Variants in KIF16B observed in about 807,000 individuals in gnomAD.
KIF16B encodes kinesin family member 16B, also known as kinesin-like protein KIF16B.
A neutral mutation model predicts 156.3 loss-of-function variants in KIF16B; 98 were observed. That is an observed-to-expected ratio of 0.63 (90% confidence interval 0.53 to 0.74). The LOEUF (loss-of-function observed/expected upper bound fraction) is 0.74. KIF16B is among the 30% of genes least tolerant of loss of function. The pLI is 0.00. For missense variants in KIF16B, 1,421 were observed against 1,606.5 expected (o/e 0.88, Z 1.97); for synonymous variants, 564 against 583.7 (o/e 0.97, Z 0.49).
rs539652810 is a variant in KIF16B, at chr20:16,377,473, ACTTGG to A, written c.3197+1327_3197+1331del. Among the ~76,000 whole-genome samples, 25 of 151,440 alleles carry A rather than the reference ACTTGG, an allele frequency of 1.7e-4. No individual in the cohort carries two copies. In the South Asian group the frequency reaches 5.2e-3, roughly 31 times the overall value. On this transcript the variant is annotated intron_variant, in intron 19 of 25. Transcript: ENST00000354981. Reference sequence around the variant, plus strand: ...GTAGTATGCACCTGGGGTCCCAGCCACTTGGGTGGCTGGGGCAGGAGGATTGCTTG... The same window carrying A: ...GTAGTATGCACCTGGGGTCCCAGCCAGTGGCTGGGGCAGGAGGATTGCTTG...
At chr20:16,281,302 T>C (rs930491080) in intron 25 of KIF16B, among the ~76,000 whole-genome samples, 2 of 152,144 alleles carry the variant, frequency 1.3e-5, no homozygotes, top group Admixed American at 6.5e-5. Context: ...TTAACCACGG[T>C]GGCGGCTTAA....
chr20:16,474,719 C>A (rs898954567), intron 12 of KIF16B, among the ~76,000 whole-genome samples: 9 of 152,104 alleles, frequency 5.9e-5, no homozygotes, highest in Non-Finnish European at 8.8e-5. Flanking sequence ...AGGGAGAGAC[C>A]AAGAGAATTA....
chr20:16,559,276 C>T (rs895302322), intron 1 of KIF16B, among the ~76,000 whole-genome samples: 1 of 152,044 alleles, frequency 6.6e-6, no homozygotes, highest in African/African-American at 2.4e-5. Flanking sequence ...GTGTTAACAG[C>T]CCAAATTGCC....
Position 16,373,498 on chromosome 20 carries a change from G to A in KIF16B, c.3350+759C>T, listed in dbSNP as rs189910341. Among the ~76,000 whole-genome samples, 17 of 152,272 alleles carry A rather than the reference G, an allele frequency of 1.1e-4. No homozygotes were observed. The East Asian group carries it at 3.3e-3, about 29-fold the overall frequency. On this transcript the variant is annotated intron_variant, in intron 20 of 25. Transcript: ENST00000354981. ...TCTAAGCCACAGAGCAATACACAAT[G>A]CCACCTAAGTTGAAAATCACTTAAC...
At chr20:16,274,023 A>T (rs137931628) in intron 25 of KIF16B, among the ~76,000 whole-genome samples, 361 of 152,006 alleles carry the variant, frequency 2.4e-3, no homozygotes, top group Middle Eastern at 0.02. Flanking sequence ...TCTCTTATTT[A>T]AAAAAGTCAT....
At chr20:16,465,394 A>G (rs1446980649) in intron 12 of KIF16B, among the ~76,000 whole-genome samples, 1 of 152,224 alleles carries the variant, frequency 6.6e-6, no homozygotes, top group East Asian at 1.9e-4. Flanking sequence ...ATACCAGTCC[A>G]TCATGCAGCC....
chr20:16,286,888 A>G (rs1405530655), intron 25 of KIF16B, among the ~76,000 whole-genome samples: 5 of 152,230 alleles, frequency 3.3e-5, no homozygotes, highest in South Asian at 2.1e-4. Context: ...TTTAGCCAAT[A>G]GAATGCACTG....
chr20:16,427,269 A>AT (rs776089302), intron 14 of KIF16B, 28 bp from the exon 15 acceptor site: 3 of 1,591,384 alleles, frequency 1.9e-6, no homozygotes, highest in South Asian at 2.3e-5. Context: ...AGTAGAAAGA[A>AT]TTTTTCCCCC....
At chr20:16,396,423 A>T (rs987419273) in intron 17 of KIF16B, among the ~76,000 whole-genome samples, 2 of 152,178 alleles carry the variant, frequency 1.3e-5, no homozygotes, top group African/African-American at 4.8e-5. Context: ...TAATGTAAAA[A>T]AATTTATGAA....
chr20:16,538,915 T>C (rs1185894019), intron 1 of KIF16B, among the ~76,000 whole-genome samples: 1 of 151,956 alleles, frequency 6.6e-6, no homozygotes, highest in Admixed American at 6.6e-5. Context: ...ACACCTCCGC[T>C]CGCCGCACTC....
chr20:16,292,100 G>A (rs561678399), intron 25 of KIF16B, among the ~76,000 whole-genome samples: 13 of 152,208 alleles, frequency 8.5e-5, no homozygotes, highest in African/African-American at 2.6e-4. Context: ...TATGAAGCAG[G>A]TGATCTCAAT....
At chr20:16,528,238 A>AGC in intron 2 of KIF16B, 133 bp downstream of exon 2, 1 of 658,574 alleles carries the variant, frequency 1.5e-6, no homozygotes, top group East Asian at 2.7e-5. Context: ...GCCAGGTGCA[A>AGC]GCTGACGTGG....
chr20:16,282,579 T>C (rs1338737121), intron 25 of KIF16B, among the ~76,000 whole-genome samples: 1 of 151,908 alleles, frequency 6.6e-6, no homozygotes, highest in Non-Finnish European at 1.5e-5. Flanking sequence ...TGGAGAAAGA[T>C]ACTGGAGGAA....
intron 25 of KIF16B, among the ~76,000 whole-genome samples, chr20:16,302,412 C>A (rs1041488477): frequency 1.3e-5 from 2 of 152,192 alleles, no homozygotes; most frequent in African/African-American, 4.8e-5. Context: ...TGCCTTTGCT[C>A]CTTTGCAAAA....
rs1454498383 is a variant in KIF16B, at chr20:16,380,465, AAGAG to A, written c.1839-306_1839-303del. Among the ~76,000 whole-genome samples, 15 of 152,298 alleles carry A rather than the reference AAGAG, an allele frequency of 9.8e-5. 1 individual carries two copies. The East Asian group carries it at 2.9e-3, about 29-fold the overall frequency. ...TAATTTTAAAAGGCCCCTGAGCTCAAAGAGAAAGAACCATGCCCAATTTAAATTA... is the reference window on the plus strand; with the variant it reads ...TAATTTTAAAAGGCCCCTGAGCTCAAAAAGAACCATGCCCAATTTAAATTA... On this transcript the variant is annotated intron_variant, in intron 18 of 25. Coordinates refer to ENST00000354981, the MANE Select transcript of KIF16B (RefSeq NM_024704.5).
At chr20:16,494,576 T>G (rs1356654319) in intron 11 of KIF16B, among the ~76,000 whole-genome samples, 1 of 152,220 alleles carries the variant, frequency 6.6e-6, no homozygotes, top group Admixed American at 6.5e-5. Context: ...TTTGTCAATT[T>G]GCCTAGAATT....
At position 16,380,181 on chromosome 20, in the gene KIF16B, G is replaced by A. The variant is rs772878844; in HGVS notation, c.1839-18C>T. On this transcript the variant is annotated intron_variant, in intron 18 of 25. Coordinates refer to ENST00000354981, the MANE Select transcript of KIF16B (RefSeq NM_024704.5). Reference sequence around the variant, plus strand: ...TGAGTTTCCTGAAATGCAAAGCACTGACTGGTTGTTATCTGGTCATTGTTC... The same window carrying A: ...TGAGTTTCCTGAAATGCAAAGCACTAACTGGTTGTTATCTGGTCATTGTTC... 1.7e-5 allele frequency: 26 copies of A among 1,491,458 alleles called. No homozygotes were observed. The highest frequency in any genetic ancestry group is 1.8e-4 in the Middle Eastern group (1 of 5,526). 92.4% of individuals were successfully genotyped at this position (1,491,458 alleles called of 1,614,324 possible). A position where few individuals can be genotyped will look rare whatever the true frequency, so the allele number is the denominator to read the frequency against.
At position 16,504,422 on chromosome 20, in the gene KIF16B, G is replaced by A. The variant is rs1429843213; in HGVS notation, c.1126C>T (p.Leu376=). ...EDANVKLIRE[L]RAEIARLKTL... is the part of the protein sequence containing the mutation. ...TTCAGTCTGGCTATTTCAGCTCGCA[G>A]CTCACGGATAAGTTTGACGTTGGCA... Residue 376 remains leucine (L), a synonymous_variant, in exon 10 of 26, where the codon CTG becomes TTG. Coordinates refer to ENST00000354981, the MANE Select transcript of KIF16B (RefSeq NM_024704.5). 6.2e-7 allele frequency: 1 copy of A among 1,614,000 alleles called. No individual in the cohort carries two copies. The highest frequency in any genetic ancestry group is 8.5e-7 in the Non-Finnish European group (1 of 1,180,008).
chr20:16,498,376 C>A (rs1360415717), intron 10 of KIF16B, among the ~76,000 whole-genome samples: 1 of 152,030 alleles, frequency 6.6e-6, no homozygotes, highest in Non-Finnish European at 1.5e-5. Context: ...CTAAGATATC[C>A]CTTGGAAGAA....
Sources: allele counts gnomAD v4.1 joint callset (sites outside exome capture counted in the v4.1 genomes callset), GRCh38; gene constraint gnomAD v4.1.1; transcripts MANE v1.5; gene names NCBI Gene and HGNC (gene_info 2026-07-23, HGNC 2026-07-21).